The following MDGA2 variants were observed in gnomAD, a reference collection of about 807,000 sequenced individuals.
MDGA2 encodes the protein MAM domain containing glycosylphosphatidylinositol anchor 2, also known as MAM domain-containing glycosylphosphatidylinositol anchor protein 2.
A neutral mutation model predicts 117.8 loss-of-function variants in MDGA2; 40 were observed. The observed-to-expected ratio is 0.34, with a 90% CI of 0.26 to 0.44. The LOEUF is 0.44. Among genes scored for constraint, MDGA2 ranks in the 20% least tolerant of loss-of-function variants. The pLI is 1.00. For missense variants in MDGA2, 1,123 were observed against 1,250.6 expected (o/e 0.90, Z 1.54); for synonymous variants, 452 against 439.0 (o/e 1.03, Z -0.37).
chr14:46,870,740 GA>G (rs1881961420), intron 14 of MDGA2, among the ~76,000 whole-genome samples: 1 of 151,768 alleles, frequency 6.6e-6, no homozygotes, highest in African/African-American at 2.4e-5. Flanking sequence ...AAAATAATCA[GA>G]ATAAAACTAG....
At chr14:47,168,450 C>T (rs184836256) in intron 3 of MDGA2, among the ~76,000 whole-genome samples, 2 of 152,158 alleles carry the variant, frequency 1.3e-5, no homozygotes, top group African/African-American at 4.8e-5. Flanking sequence ...CACAACTCTT[C>T]AGATTCTTTT....
rs1439295970 is a variant in MDGA2 at position 46,945,444 on chromosome 14, G to T, written c.2089+11930C>A. On this transcript the variant is annotated intron_variant, in intron 9 of 16. Coordinates refer to ENST00000399232, the MANE Select transcript of MDGA2 (RefSeq NM_001113498.3). ...TTCTGGCTTCCTTTAAGCATTGCTA[G>T]AACTCTATTATCAATTTTCTACTCA... Among the ~76,000 whole-genome samples the T allele has an allele frequency of 3.3e-5, 5 of 151,950 alleles. No homozygotes were observed. The East Asian group carries it at 7.7e-4, about 24-fold the overall frequency.
rs1175021635 is a variant in MDGA2 at position 47,144,175 on chromosome 14, G to C, written c.695C>G (p.Ser232Cys). The C allele has an allele frequency of 6.4e-7, 1 of 1,551,358 alleles. No homozygotes were observed. Among genetic ancestry groups the C allele is most frequent in the Non-Finnish European group, 8.7e-7 (1 of 1,146,806 alleles). The change falls in exon 4 of 17, where the codon TCC becomes TGC. Residue 232 changes from serine to cysteine, a missense_variant. Transcript: ENST00000399232. ...RTVFLRCVAN[S>C]NPPVRYSWRR... ...CCAGCTATACCGAACAGGAGGATTG[G>C]AATTGGCAACACACCGGAGGAACAC...
At chr14:47,496,473 G>A (rs1005609167) in intron 1 of MDGA2, among the ~76,000 whole-genome samples, 12 of 151,942 alleles carry the variant, frequency 7.9e-5, no homozygotes, top group Non-Finnish European at 1.5e-4. Flanking sequence ...CAAACTCCTG[G>A]TCTTAAGCAA....
intron 1 of MDGA2, among the ~76,000 whole-genome samples, chr14:47,442,713 C>T (rs4424837): frequency 0.65 from 98,326 of 151,926 alleles, 31,996 homozygotes; most frequent in South Asian, 0.74. Context: ...CACCTTCCTG[C>T]GGATACCACA....
At chr14:47,113,820 G>A (rs1594636234) in intron 5 of MDGA2, among the ~76,000 whole-genome samples, 1 of 152,078 alleles carries the variant, frequency 6.6e-6, no homozygotes, top group Non-Finnish European at 1.5e-5. Flanking sequence ...GGCAAAAGCT[G>A]GAAGCATTCC....
intron 1 of MDGA2, among the ~76,000 whole-genome samples, chr14:47,327,383 G>C (rs926128543): frequency 6.6e-6 from 1 of 152,102 alleles, no homozygotes; most frequent in Non-Finnish European, 1.5e-5. Context: ...TTTTGTCTTT[G>C]ACATTAAATT....
At chr14:47,458,211 A>C (rs1446602243) in intron 1 of MDGA2, among the ~76,000 whole-genome samples, 1 of 152,054 alleles carries the variant, frequency 6.6e-6, no homozygotes, top group Non-Finnish European at 1.5e-5. Context: ...ATGGTTTGTA[A>C]ATATTTTCTC....
At chr14:47,313,548 C>T (rs1181707199) in intron 1 of MDGA2, among the ~76,000 whole-genome samples, 3 of 152,180 alleles carry the variant, frequency 2.0e-5, no homozygotes, top group African/African-American at 7.2e-5. Context: ...TCTCCTGCCT[C>T]TGCCTCCCCA....
intron 2 of MDGA2, among the ~76,000 whole-genome samples, chr14:47,269,139 TTC>T (rs1466903530): frequency 1.3e-5 from 2 of 152,170 alleles, no homozygotes; most frequent in African/African-American, 4.8e-5. Flanking sequence ...TAGGAAAATA[TTC>T]TGTCATCCTT....
chr14:46,842,844 AG>A (rs1398767921), intron 16 of MDGA2, among the ~76,000 whole-genome samples: 5 of 152,260 alleles, frequency 3.3e-5, no homozygotes, highest in Admixed American at 1.3e-4. Context: ...AAGAACTGGC[AG>A]CCTGAGGAAT....
chr14:47,542,563 C>G (rs1327632994), intron 1 of MDGA2, among the ~76,000 whole-genome samples: 1 of 152,068 alleles, frequency 6.6e-6, no homozygotes, highest in Non-Finnish European at 1.5e-5. Context: ...TATACTCTTA[C>G]TGGTAAATTC....
chr14:47,334,416 C>T (rs926522423), intron 1 of MDGA2, among the ~76,000 whole-genome samples: 3 of 151,758 alleles, frequency 2.0e-5, no homozygotes, highest in Non-Finnish European at 4.4e-5. Context: ...TTAGTTCATA[C>T]TTTATTTACT....
At chr14:47,314,996 G>A (rs570803087) in intron 1 of MDGA2, among the ~76,000 whole-genome samples, 26 of 152,198 alleles carry the variant, frequency 1.7e-4, no homozygotes, top group Admixed American at 1.4e-3. Context: ...TGTTAACAAT[G>A]ATGATGCTTG....
Position 47,458,377 on chromosome 14 carries a change from C to T in MDGA2, c.281-156827G>A, listed in dbSNP as rs144527071. Among the ~76,000 whole-genome samples the T allele has an allele frequency of 6.3e-3, 957 of 152,138 alleles. 45 individuals are homozygous for T. Among genetic ancestry groups the T allele is most frequent in the Admixed American group, 0.057 (868 of 15,260 alleles). ...GCCAAGACCAATATCAAGCAGTTTT[C>T]CCCTCATGGTTTCCTTCTGGAAGTT... is the stretch of plus-strand genomic sequence containing the variant. On this transcript the variant is annotated intron_variant, in intron 1 of 16. Transcript: ENST00000399232.
chr14:47,105,921 T>A (rs1880640137), intron 5 of MDGA2, among the ~76,000 whole-genome samples: 1 of 151,372 alleles, frequency 6.6e-6, no homozygotes, highest in African/African-American at 2.4e-5. Context: ...ATAATCTTTT[T>A]ATCACCTCCC....
chr14:47,522,088 C>G (rs1894879398), intron 1 of MDGA2, among the ~76,000 whole-genome samples: 2 of 152,174 alleles, frequency 1.3e-5, no homozygotes, highest in Non-Finnish European at 2.9e-5. Flanking sequence ...TTTTCCTTTT[C>G]TATTTCTCCT....
chr14:46,971,310 A>T (rs1595078942), intron 8 of MDGA2, among the ~76,000 whole-genome samples: 2 of 152,200 alleles, frequency 1.3e-5, no homozygotes, highest in East Asian at 3.8e-4. Context: ...TATAGAATCA[A>T]CCTATGTGTC....
rs1880682932 is a variant in MDGA2, at chr14:47,106,440, CA to C, written c.926-9318del. ...CAGGCGTTCCTCCAGAACCTCCTCC[CA>C]CAGGAGCTTGCTACATGTGCCGGAA... On this transcript the variant is annotated intron_variant, in intron 5 of 16. Transcript: ENST00000399232. 2.0e-5 allele frequency among the ~76,000 whole-genome samples: 3 copies of C among 151,964 alleles called. No homozygotes were observed. In the South Asian group the frequency reaches 6.3e-4, roughly 32 times the overall value.
Sources: gnomAD v4.1 joint callset for allele counts (sites outside exome capture counted in the v4.1 genomes callset) on GRCh38, gnomAD v4.1.1 for gene constraint, MANE v1.5 for transcripts, NCBI Gene and HGNC (gene_info 2026-07-23, HGNC 2026-07-21) for gene names.